ARHGAP6: variants seen among roughly 807,000 people sequenced by gnomAD.
ARHGAP6 encodes the protein Rho GTPase activating protein 6.
ARHGAP6 carries 16 observed loss-of-function variants against 55.7 expected under a neutral mutation model. That is an observed-to-expected ratio of 0.29 (90% confidence interval 0.19 to 0.44). ARHGAP6 has a LOEUF of 0.44. ARHGAP6 is among the 20% of genes least tolerant of loss of function. The pLI is 1.00. For missense variants in ARHGAP6, 698 were observed against 808.9 expected (o/e 0.86, Z 1.66); for synonymous variants, 382 against 360.9 (o/e 1.06, Z -0.66).
chrX:11,526,566 G>T (rs1053967055), intron 1 of ARHGAP6, among the ~76,000 whole-genome samples: 6 of 111,481 alleles, frequency 5.4e-5, no homozygotes, highest in African/African-American at 1.6e-4. Context: ...TTCAGGGAAA[G>T]AAATTTCATT....
In ARHGAP6 at chrX:11,189,627, C is replaced by G. The variant is rs1157757182; in HGVS notation, c.821-643G>C. Among the ~76,000 whole-genome samples the G allele has an allele frequency of 4.5e-5, 5 of 111,946 alleles. No homozygotes were observed. The Admixed American group carries it at 4.7e-4, about 11-fold the overall frequency. ...ATGTTGGGGCTGTCACTCTCGTGATCTACACTCAAGCCATTCTACTGGCCA... is the reference window on the plus strand; with the variant it reads ...ATGTTGGGGCTGTCACTCTCGTGATGTACACTCAAGCCATTCTACTGGCCA... On this transcript the variant is annotated intron_variant, in intron 3 of 12. Coordinates refer to ENST00000337414, the MANE Select transcript of ARHGAP6 (RefSeq NM_013427.3).
intron 1 of ARHGAP6, among the ~76,000 whole-genome samples, chrX:11,387,365 A>G (rs1470796610): frequency 2.7e-5 from 3 of 111,656 alleles, no homozygotes; most frequent in African/African-American, 9.8e-5. Flanking sequence ...GCTGAGACCC[A>G]CTGCTTTGCA....
In ARHGAP6 at chrX:11,137,719, G is replaced by A. The variant is rs958404930; in HGVS notation, c.*1144C>T. 2 of 111,157 alleles carry A rather than the reference G, an allele frequency of 1.8e-5. No individual in the cohort carries two copies. Among genetic ancestry groups the A allele is most frequent in the African/African-American group, 3.3e-5 (1 of 30,387 alleles). The allele number at this position is 111,157 out of a possible 1,213,427, so 9.2% of individuals were successfully genotyped here. A position where few individuals can be genotyped will look rare whatever the true frequency, so the allele number is the denominator to read the frequency against. On this transcript the variant is annotated 3_prime_UTR_variant, in exon 13 of 13. Transcript: ENST00000337414. ...AAAAAATTGCATAAAATACTGAAGC[G>A]TATCGCCATCTGCTGGTCAAAAATA...
intron 1 of ARHGAP6, among the ~76,000 whole-genome samples, chrX:11,495,375 T>A (rs1330396037): frequency 2.7e-5 from 3 of 111,630 alleles, no homozygotes; most frequent in Admixed American, 9.5e-5. Context: ...CACAACCCAA[T>A]CCTGATAAAT....
intron 1 of ARHGAP6, among the ~76,000 whole-genome samples, chrX:11,379,250 A>G (rs1603150869): frequency 1.8e-5 from 2 of 112,427 alleles, no homozygotes; most frequent in Middle Eastern, 4.6e-3. Context: ...TACAACAGGT[A>G]TGCTATCACT....
At chrX:11,180,803 G>A (rs770788842) in intron 6 of ARHGAP6, among the ~76,000 whole-genome samples, 1 of 112,176 alleles carries the variant, frequency 8.9e-6, no homozygotes, top group South Asian at 3.7e-4. Context: ...CACGCCATCA[G>A]CGTGTGTCAG....
intron 2 of ARHGAP6, among the ~76,000 whole-genome samples, chrX:11,250,019 A>G (rs1028906090): frequency 1.8e-5 from 2 of 111,694 alleles, no homozygotes; most frequent in African/African-American, 6.5e-5. Flanking sequence ...TACAATAATA[A>G]CCCATCTTTT....
chrX:11,409,157 T>A (rs1407786613), intron 1 of ARHGAP6, among the ~76,000 whole-genome samples: 1 of 112,223 alleles, frequency 8.9e-6, no homozygotes, highest in African/African-American at 3.2e-5. Context: ...CTCCTCAGCA[T>A]CTTTGCACAA....
chrX:11,209,978 C>A (rs1399040544), intron 2 of ARHGAP6, among the ~76,000 whole-genome samples: 3 of 112,505 alleles, frequency 2.7e-5, no homozygotes, highest in Non-Finnish European at 5.6e-5. Context: ...TTCTTGGAAA[C>A]AACTATACAT....
chrX:11,605,155 G>A (rs1223021829), intron 1 of ARHGAP6, among the ~76,000 whole-genome samples: 1 of 111,653 alleles, frequency 9.0e-6, no homozygotes, highest in Non-Finnish European at 1.9e-5. Flanking sequence ...AGGAGGGAGG[G>A]GGAGAATGGA....
chrX:11,184,876 CA>C (rs1393951250), intron 5 of ARHGAP6, among the ~76,000 whole-genome samples: 1 of 111,699 alleles, frequency 9.0e-6, no homozygotes, highest in African/African-American at 3.3e-5. Context: ...CATTATTGTG[CA>C]AACACCATAG....
intron 1 of ARHGAP6, among the ~76,000 whole-genome samples, chrX:11,280,662 T>G (rs2047842871): frequency 9.4e-6 from 1 of 106,886 alleles, no homozygotes; most frequent in Non-Finnish European, 1.9e-5. Context: ...GGAGGACTGC[T>G]TGAGTCCAGG....
chrX:11,504,042 G>A (rs1163851521), intron 1 of ARHGAP6, among the ~76,000 whole-genome samples: 5 of 107,102 alleles, frequency 4.7e-5, no homozygotes, highest in African/African-American at 1.8e-4. Context: ...ATGGAGTTAT[G>A]TATCAATTTT....
chrX:11,476,629 G>A (rs2050406036), intron 1 of ARHGAP6, among the ~76,000 whole-genome samples: 1 of 111,076 alleles, frequency 9.0e-6, no homozygotes, highest in South Asian at 3.7e-4. Flanking sequence ...ATTGCATGAA[G>A]AAAGACATAT....
At chrX:11,237,834 G>T (rs761104299) in intron 2 of ARHGAP6, among the ~76,000 whole-genome samples, 10 of 112,164 alleles carry the variant, frequency 8.9e-5, no homozygotes, top group Non-Finnish European at 1.7e-4. Flanking sequence ...TGGCCCTTTA[G>T]AAACTGCATA....
At chrX:11,592,866 C>G (rs1451483572) in intron 1 of ARHGAP6, among the ~76,000 whole-genome samples, 1 of 111,381 alleles carries the variant, frequency 9.0e-6, no homozygotes, top group East Asian at 2.8e-4. Context: ...GTTTGAAGAG[C>G]CTCTGGTGAA....
chrX:11,400,541 C>T (rs2049536594), intron 1 of ARHGAP6, among the ~76,000 whole-genome samples: 1 of 107,418 alleles, frequency 9.3e-6, no homozygotes, highest in African/African-American at 3.4e-5. Context: ...TGTCGTTTAC[C>T]TCTGCTTCAG....
chrX:11,397,894 TGAAAACAAAAAC>T (rs897703843), intron 1 of ARHGAP6, among the ~76,000 whole-genome samples: 1 of 111,324 alleles, frequency 9.0e-6, no homozygotes, highest in Non-Finnish European at 1.9e-5. Context: ...AAAACAAAAA[TGAAAACAAAAAC>T]GAAAACAAAA....
intron 10 of ARHGAP6, among the ~76,000 whole-genome samples, chrX:11,148,046 T>G (rs2045721934): frequency 1.8e-5 from 2 of 111,652 alleles, no homozygotes; most frequent in South Asian, 7.6e-4. Context: ...TTCTGAACAC[T>G]GGTGGAGAAA....
Sources: gnomAD v4.1 joint callset for allele counts (sites outside exome capture counted in the v4.1 genomes callset) on GRCh38, gnomAD v4.1.1 for gene constraint, MANE v1.5 for transcripts, NCBI Gene and HGNC (gene_info 2026-07-23, HGNC 2026-07-21) for gene names.